The following GLRA2 variants were observed in gnomAD, a reference collection of about 807,000 sequenced individuals.
GLRA2 encodes the protein glycine receptor subunit alpha-2.
Under a neutral mutation model 31.6 loss-of-function variants are expected in GLRA2, and 11 were observed. That is an observed-to-expected ratio of 0.35 (90% CI 0.22 to 0.58). GLRA2 has a LOEUF of 0.58. GLRA2 is among the 20% of genes least tolerant of loss of function. The pLI, the probability that GLRA2 is intolerant of heterozygous loss-of-function variation, is 0.84. For missense variants in GLRA2, 212 were observed against 351.8 expected (o/e 0.60, Z 3.18); for synonymous variants, 132 against 134.0 (o/e 0.99, Z 0.10).
At chrX:14,664,723 C>G (rs1352023104) in intron 7 of GLRA2, among the ~76,000 whole-genome samples, 1 of 112,310 alleles carries the variant, frequency 8.9e-6, no homozygotes, top group Non-Finnish European at 1.9e-5. Flanking sequence ...GCTGTTAGCA[C>G]ATAGAATGAC....
At chrX:14,654,527 C>G (rs1048518569) in intron 7 of GLRA2, among the ~76,000 whole-genome samples, 20 of 111,881 alleles carry the variant, frequency 1.8e-4, no homozygotes, top group African/African-American at 6.5e-4. Context: ...TTGCAGTGGT[C>G]TGAACCAAAC....
chrX:14,675,121 T>G (rs2091131980), intron 7 of GLRA2, among the ~76,000 whole-genome samples: 1 of 111,747 alleles, frequency 8.9e-6, no homozygotes. Flanking sequence ...GATGCTGCAT[T>G]GCCCTACTTC....
chrX:14,716,039 C>T (rs939598103), intron 8 of GLRA2, among the ~76,000 whole-genome samples: 3 of 111,479 alleles, frequency 2.7e-5, no homozygotes, highest in African/African-American at 9.8e-5. Context: ...AAGCACTGGG[C>T]ACTGTGTGAC....
intron 8 of GLRA2, among the ~76,000 whole-genome samples, chrX:14,711,662 C>T: frequency 3.6e-5 from 4 of 112,091 alleles, no homozygotes; most frequent in Non-Finnish European, 7.5e-5. Context: ...ATGTACATTT[C>T]CCTGAATCTT....
the GLRA2 span, among the ~76,000 whole-genome samples, chrX:14,487,040 C>T: frequency 1.8e-5 from 2 of 109,987 alleles, no homozygotes; most frequent in East Asian, 5.7e-4. Context: ...CTTTCTTAAG[C>T]TGAGTTGGGG....
rs1186331888 is a variant in GLRA2 at position 14,539,142 on chromosome X, T to TA, written c.202+6772dup. Among the ~76,000 whole-genome samples the TA allele has an allele frequency of 7.2e-5, 8 of 111,248 alleles. No individual in the cohort carries two copies. The South Asian group carries it at 3.0e-3, about 42-fold the overall frequency. On this transcript the variant is annotated intron_variant, in intron 2 of 8. Transcript: ENST00000218075. ...CTTGGTGCTCAATGAATGGACAGTA[T>TA]AATGTGTTCAGTTGGGGCAGTTAGG...
intron 2 of GLRA2, among the ~76,000 whole-genome samples, chrX:14,569,581 A>G (rs2089856135): frequency 1.2e-5 from 1 of 83,236 alleles, no homozygotes; most frequent in South Asian, 5.1e-4. Context: ...CACACCTCCT[A>G]AGATGGCAAT....
At chrX:14,721,224 TTTAG>T (rs1225909799) in intron 8 of GLRA2, among the ~76,000 whole-genome samples, 1 of 110,837 alleles carries the variant, frequency 9.0e-6, no homozygotes, top group African/African-American at 3.3e-5. Flanking sequence ...TAAACCCTGT[TTTAG>T]TTAGGAGGAT....
rs143600964 is a variant in GLRA2 at position 14,717,699 on chromosome X, G to A, written c.1081-12508G>A. On this transcript the variant is annotated intron_variant, in intron 8 of 8. Transcript: ENST00000218075. ...ATATGGAGTACATCATGAATTAGAT[G>A]AGCTTGGATTTACTAGCAACTGGAA... 2.9e-3 allele frequency among the ~76,000 whole-genome samples: 287 copies of A among 100,443 alleles called. 4 individuals carry two copies. Among genetic ancestry groups the A allele is most frequent in the African/African-American group, 0.011 (272 of 25,323 alleles). The allele number at this position is 100,443 out of a possible 115,157, so 87.2% of individuals were successfully genotyped here. A position where few individuals can be genotyped will look rare whatever the true frequency, so the allele number is the denominator to read the frequency against.
chrX:14,470,322 A>G, the GLRA2 span, among the ~76,000 whole-genome samples: 1 of 112,103 alleles, frequency 8.9e-6, no homozygotes, highest in African/African-American at 3.2e-5. Context: ...TTAGTACAAT[A>G]TTCTAAGGCT....
upstream of GLRA2, among the ~76,000 whole-genome samples, chrX:14,524,320 A>G (rs1354725214): frequency 1.8e-5 from 2 of 112,059 alleles, no homozygotes. Context: ...CTCATGCCAG[A>G]GGTCTTCTCA....
intron 2 of GLRA2, among the ~76,000 whole-genome samples, chrX:14,533,237 G>A (rs3027316): frequency 0.01 from 1,118 of 109,938 alleles, 19 homozygotes; most frequent in African/African-American, 0.035. Context: ...TTTATAAAAG[G>A]AGAAACCTAT....
At chrX:14,638,742 A>T (rs755502550) in intron 7 of GLRA2, among the ~76,000 whole-genome samples, 1 of 111,533 alleles carries the variant, frequency 9.0e-6, no homozygotes, top group Admixed American at 9.6e-5. Flanking sequence ...TTCTACTCAC[A>T]ATGTGTTGTG....
chrX:14,661,063 T>C (rs1321117818), intron 7 of GLRA2, among the ~76,000 whole-genome samples: 4 of 111,418 alleles, frequency 3.6e-5, no homozygotes, highest in Admixed American at 1.9e-4. Flanking sequence ...AGAAACATAA[T>C]AACACTGTGT....
chrX:14,549,132 T>C (rs888940691), intron 2 of GLRA2, among the ~76,000 whole-genome samples: 2 of 111,559 alleles, frequency 1.8e-5, no homozygotes, highest in African/African-American at 6.5e-5. Flanking sequence ...AAAGAGGAGG[T>C]ACTTGAATTT....
At chrX:14,594,815 T>C (rs1320106486) in intron 4 of GLRA2, among the ~76,000 whole-genome samples, 2 of 110,926 alleles carry the variant, frequency 1.8e-5, no homozygotes, top group Non-Finnish European at 3.8e-5. Flanking sequence ...TTATGATGCC[T>C]TTATAATATT....
intron 2 of GLRA2, among the ~76,000 whole-genome samples, chrX:14,571,745 A>G (rs774755239): frequency 1.0e-3 from 100 of 97,871 alleles, no homozygotes; most frequent in African/African-American, 3.7e-3. Flanking sequence ...AAGGTTTTAT[A>G]TAGAAATGCA....
chrX:14,545,708 T>C (rs2089469994), intron 2 of GLRA2, among the ~76,000 whole-genome samples: 1 of 111,764 alleles, frequency 8.9e-6, no homozygotes, highest in African/African-American at 3.2e-5. Flanking sequence ...TTAGATCCTT[T>C]GCTATCATTT....
At chrX:14,474,731 ATGG>A in the GLRA2 span, among the ~76,000 whole-genome samples, 2 of 62,531 alleles carry the variant, frequency 3.2e-5, no homozygotes, top group African/African-American at 1.5e-4. Flanking sequence ...GATGGCTGGG[ATGG>A]CTGGGATGAC....
Sources: allele counts gnomAD v4.1 joint callset (sites outside exome capture counted in the v4.1 genomes callset), GRCh38; gene constraint gnomAD v4.1.1; transcripts MANE v1.5; gene names NCBI Gene and HGNC (gene_info 2026-07-23, HGNC 2026-07-21).